Variants in MKLN1 observed in about 807,000 individuals in gnomAD.
The protein encoded by MKLN1 is muskelin 1.
In MKLN1, 18 loss-of-function variants were observed where a neutral mutation model predicts 99.0. The observed-to-expected ratio is 0.18, with a 90% CI of 0.13 to 0.27. The LOEUF (loss-of-function observed/expected upper bound fraction) is 0.27, where lower values mean the gene tolerates loss of function less well. MKLN1 is among the 10% of genes least tolerant of loss of function. The pLI is 1.00. For synonymous variants in MKLN1, 288 were observed against 293.2 expected (o/e 0.98, Z 0.18); for missense variants, 621 against 875.9 (o/e 0.71, Z 3.67).
intron 6 of MKLN1, among the ~76,000 whole-genome samples, chr7:131,407,881 G>A (rs1794755256): frequency 6.6e-6 from 1 of 151,370 alleles, no homozygotes; most frequent in African/African-American, 2.4e-5. Context: ...ATTTGCCTTG[G>A]TGCTGTATTT....
chr7:131,327,206 A>G (rs190123322), upstream of MKLN1: 3 of 152,320 alleles, frequency 2.0e-5, no homozygotes, highest in African/African-American at 7.2e-5. Context: ...CAGCTTCCCA[A>G]CTCTGTAAGG....
At chr7:131,369,536 T>C (rs1301512551) in intron 1 of MKLN1, among the ~76,000 whole-genome samples, 2 of 152,336 alleles carry the variant, frequency 1.3e-5, no homozygotes, top group East Asian at 3.9e-4. Context: ...ATTCTGCTCA[T>C]TTTCAGTTCT....
intron 7 of MKLN1, 25 bp downstream of exon 7, chr7:131,411,408 G>A: frequency 2.0e-6 from 3 of 1,467,984 alleles, no homozygotes; most frequent in Non-Finnish European, 2.9e-6. Flanking sequence ...CTAGATTGTA[G>A]TTCTTTTTCA....
intron 1 of MKLN1, among the ~76,000 whole-genome samples, chr7:131,330,607 G>A (rs1799043374): frequency 6.6e-6 from 1 of 152,088 alleles, no homozygotes; most frequent in Admixed American, 6.5e-5. Flanking sequence ...TAACTATAGT[G>A]TTTTACTGCT....
intron 8 of MKLN1, among the ~76,000 whole-genome samples, chr7:131,416,941 C>T (rs1336671336): frequency 2.1e-5 from 3 of 144,314 alleles, no homozygotes; most frequent in African/African-American, 7.8e-5. Context: ...ATCATCACAC[C>T]ACTGCACACC....
chr7:131,419,733 G>T (rs1331608587), intron 8 of MKLN1, among the ~76,000 whole-genome samples: 1 of 152,052 alleles, frequency 6.6e-6, no homozygotes, highest in Non-Finnish European at 1.5e-5. Context: ...TTTGTTGCTA[G>T]ATCAGAGGTA....
At chr7:131,295,884 A>AG (rs1491156908) in intron 3 of MKLN1, among the ~76,000 whole-genome samples, 58 of 64,572 alleles carry the variant, frequency 9.0e-4, no homozygotes, top group African/African-American at 3.9e-3. Context: ...CGTCCTATCC[A>AG]AAAAAAAAAA....
chr7:131,428,705 C>A (rs946737946), intron 8 of MKLN1, among the ~76,000 whole-genome samples: 6 of 152,136 alleles, frequency 3.9e-5, no homozygotes, highest in African/African-American at 1.4e-4. Flanking sequence ...ACCAGCTGCA[C>A]GTTAAATTTT....
At position 131,277,608 on chromosome 7, in the gene MKLN1, G is replaced by T. The variant is rs146685210; in HGVS notation, c.-179+74634G>T. On this transcript the variant is annotated intron_variant, in intron 3 of 7. Coordinates refer to the MKLN1 transcript ENST00000416992. ...CTTTTTGTATTTTTAGTAGAGACAG[G>T]TTTCACCGTGTTGGCCAGGCTGGTC... Among the ~76,000 whole-genome samples the T allele has an allele frequency of 1.9e-3, 289 of 152,108 alleles. 8 individuals carry two copies. In the East Asian group the frequency reaches 0.047, roughly 25 times the overall value.
intron 3 of MKLN1, among the ~76,000 whole-genome samples, chr7:131,240,739 C>A (rs1797390155): frequency 6.6e-6 from 1 of 152,054 alleles, no homozygotes; most frequent in Non-Finnish European, 1.5e-5. Context: ...ATGAGCCCAG[C>A]AAAAGGTGGA....
chr7:131,328,135 A>G, intron 1 of MKLN1, 138 bp downstream of exon 1: 1 of 1,069,990 alleles, frequency 9.3e-7, no homozygotes, highest in Admixed American at 2.5e-5. Context: ...CCGGAGTCTT[A>G]GTTCAGCTGC....
chr7:131,471,331 T>A lies in MKLN1; in HGVS notation c.2031+387T>A, dbSNP rs948557334. 2.0e-5 allele frequency among the ~76,000 whole-genome samples: 3 copies of A among 152,280 alleles called. No homozygotes were observed. The South Asian group carries it at 6.2e-4, about 32-fold the overall frequency. ...GATCCCCCAAGAGAGGAAAGAAAAC[T>A]CCCCTGTTGCTTAGGGAGAAAATGA... On this transcript the variant is annotated intron_variant, in intron 16 of 17. Coordinates refer to ENST00000352689, the MANE Select transcript of MKLN1 (RefSeq NM_013255.5).
At chr7:131,335,557 T>C (rs1394834573) in intron 1 of MKLN1, among the ~76,000 whole-genome samples, 1 of 152,144 alleles carries the variant, frequency 6.6e-6, no homozygotes, top group African/African-American at 2.4e-5. Context: ...AACTAGGCTA[T>C]GTTTAGTCCT....
chr7:131,145,261 A>G (rs1009673651), intron 2 of MKLN1, among the ~76,000 whole-genome samples: 3 of 152,288 alleles, frequency 2.0e-5, no homozygotes, highest in East Asian at 1.9e-4. Flanking sequence ...ATGTGTACCA[A>G]TATAAAGTAC....
At chr7:131,121,702 C>A (rs1046211784) in intron 1 of MKLN1, among the ~76,000 whole-genome samples, 22 of 139,976 alleles carry the variant, frequency 1.6e-4, no homozygotes, top group Non-Finnish European at 2.8e-4. Context: ...TATAGCAATG[C>A]AAGAAATGCA....
At chr7:131,320,508 C>A (rs1484873899) in intron 3 of MKLN1, among the ~76,000 whole-genome samples, 1 of 152,172 alleles carries the variant, frequency 6.6e-6, no homozygotes, top group Non-Finnish European at 1.5e-5. Context: ...CCATTCAGGA[C>A]ATAGGCATGG....
chr7:131,457,956 G>A (rs1371892773), intron 12 of MKLN1, among the ~76,000 whole-genome samples: 1 of 152,090 alleles, frequency 6.6e-6, no homozygotes, highest in Non-Finnish European at 1.5e-5. Flanking sequence ...AAATAATGGA[G>A]ATACATTTCT....
chr7:131,283,769 G>A (rs1185810716), intron 3 of MKLN1, among the ~76,000 whole-genome samples: 1 of 152,134 alleles, frequency 6.6e-6, no homozygotes, highest in African/African-American at 2.4e-5. Flanking sequence ...CTCTCCAGAG[G>A]TAACCAATCT....
In MKLN1 at chr7:131,492,622, G is replaced by C. The variant is rs1353664376; in HGVS notation, c.*4894G>C. The C allele has an allele frequency of 1.3e-5, 2 of 151,326 alleles. No individual in the cohort carries two copies. The highest frequency in any genetic ancestry group is 2.9e-5 in the Non-Finnish European group (2 of 68,010). The allele number at this position is 151,326 out of a possible 1,614,324, so 9.4% of individuals were successfully genotyped here. On this transcript the variant is annotated 3_prime_UTR_variant, in exon 18 of 18. Transcript: ENST00000352689. ...GTGGTGGTATGTGCCTGTAGTCCCA[G>C]CTACTTGGGAGGCTGAGGTGGGAGG...
Sources: allele counts gnomAD v4.1 joint callset (sites outside exome capture counted in the v4.1 genomes callset), GRCh38; gene constraint gnomAD v4.1.1; transcripts MANE v1.5; gene names NCBI Gene and HGNC (gene_info 2026-07-23, HGNC 2026-07-21).